WWOX: variants seen among roughly 807,000 people sequenced by gnomAD.
WWOX encodes WW domain-containing oxidoreductase.
Under a neutral mutation model 46.2 loss-of-function variants are expected in WWOX, and 69 were observed. The observed-to-expected ratio is 1.49, with a 90% CI of 1.23 to 1.82. The LOEUF (loss-of-function observed/expected upper bound fraction) is 1.82. Among genes scored for constraint, WWOX ranks in the 40% most tolerant of loss-of-function variants. The probability of loss-of-function intolerance (pLI) is 0.00; values close to 1 mark genes in which losing one functional copy is unlikely to be tolerated. For missense variants in WWOX, 919 were observed against 542.6 expected, an observed-to-expected ratio of 1.69 and a Z score of -6.89; for synonymous variants, 359 against 202.6, an observed-to-expected ratio of 1.77 and a Z score of -6.56.
At chr16:79,064,454 C>T (rs775455993) in intron 8 of WWOX, among the ~76,000 whole-genome samples, 39 of 152,174 alleles carry the variant, frequency 2.6e-4, no homozygotes, top group South Asian at 4.1e-4. Context: ...TCAGCACCTG[C>T]AGAACCCATG....
intron 5 of WWOX, among the ~76,000 whole-genome samples, chr16:78,306,455 T>C (rs1425308833): frequency 6.6e-6 from 1 of 152,194 alleles, no homozygotes; most frequent in Non-Finnish European, 1.5e-5. Context: ...CAGAGTTGTA[T>C]GAGAGTTCAT....
chr16:78,995,746 A>T (rs1196393305), intron 8 of WWOX, among the ~76,000 whole-genome samples: 2 of 152,142 alleles, frequency 1.3e-5, no homozygotes, highest in Non-Finnish European at 2.9e-5. Context: ...AATCACTATA[A>T]AAATGTTTAT....
rs892491255 is a variant in WWOX, at chr16:78,339,037, G to T, written c.517-47823G>T. 5.0e-5 allele frequency among the ~76,000 whole-genome samples: 6 copies of T among 119,844 alleles called. 1 individual carries two copies. The highest frequency in any genetic ancestry group is 1.7e-4 in the African/African-American group (6 of 35,466). 78.6% of individuals were successfully genotyped at this position (119,844 alleles called of 152,430 possible). A position where few individuals can be genotyped will look rare whatever the true frequency, so the allele number is the denominator to read the frequency against. ...TTCTAGTCTTAGATATTATCTGTAG[G>T]TTTTTCAATAAGAAGGAAATTTAGC... On this transcript the variant is annotated intron_variant, in intron 5 of 8. Transcript: ENST00000566780.
chr16:78,375,105 A>G (rs1327922022), intron 5 of WWOX, among the ~76,000 whole-genome samples: 2 of 152,208 alleles, frequency 1.3e-5, no homozygotes, highest in Non-Finnish European at 2.9e-5. Flanking sequence ...TTTCCAGTTT[A>G]TCTATTAAAC....
At position 78,549,711 on chromosome 16, in the gene WWOX, T is replaced by A. The variant is rs112538230; in HGVS notation, c.1056+116959T>A. On this transcript the variant is annotated intron_variant, in intron 8 of 8. Coordinates refer to ENST00000566780, the MANE Select transcript of WWOX (RefSeq NM_016373.4). ...ACATTAGCAAAATCACTACATATTA[T>A]AGGAATCAAGTACATTCTGAACGGC... is the stretch of plus-strand genomic sequence containing the variant. 3.2e-4 allele frequency among the ~76,000 whole-genome samples: 48 copies of A among 152,262 alleles called. 1 individual carries two copies. Among genetic ancestry groups the A allele is most frequent in the African/African-American group, 9.6e-4 (40 of 41,550 alleles).
At chr16:78,853,539 C>G (rs1388393803) in intron 8 of WWOX, among the ~76,000 whole-genome samples, 4 of 152,230 alleles carry the variant, frequency 2.6e-5, no homozygotes, top group African/African-American at 9.6e-5. Flanking sequence ...AACCCCCTCA[C>G]TGCTCTCCAT....
Position 78,292,188 on chromosome 16 carries a change from A to C in WWOX, c.517-94672A>C, listed in dbSNP as rs79661232. Among the ~76,000 whole-genome samples, 43 of 151,108 alleles carry C rather than the reference A, an allele frequency of 2.8e-4. No individual in the cohort carries two copies. In the East Asian group the frequency reaches 8.0e-3, roughly 28 times the overall value. ...GAAAAAGTTTGCCACCCTCTGATCT[A>C]CATGATGTCCTTCAGTTTCTGTCTC... On this transcript the variant is annotated intron_variant, in intron 5 of 8. Coordinates refer to ENST00000566780, the MANE Select transcript of WWOX (RefSeq NM_016373.4).
chr16:78,732,587 A>G (rs964621954), intron 8 of WWOX, among the ~76,000 whole-genome samples: 3 of 152,152 alleles, frequency 2.0e-5, no homozygotes, highest in East Asian at 3.9e-4. Flanking sequence ...TTTGATAAAG[A>G]TGTGGTAACT....
chr16:78,219,915 C>T (rs557083010), intron 5 of WWOX, among the ~76,000 whole-genome samples: 5 of 152,044 alleles, frequency 3.3e-5, no homozygotes, highest in Non-Finnish European at 7.4e-5. Flanking sequence ...AAACATTGTA[C>T]GTTTTAAATG....
At chr16:78,296,216 G>T (rs2079941470) in intron 5 of WWOX, among the ~76,000 whole-genome samples, 1 of 151,856 alleles carries the variant, frequency 6.6e-6, no homozygotes, top group Admixed American at 6.6e-5. Flanking sequence ...CACTCTATCT[G>T]TATTGTTTGG....
At chr16:78,512,226 T>A (rs1214391047) in intron 8 of WWOX, among the ~76,000 whole-genome samples, 1 of 152,138 alleles carries the variant, frequency 6.6e-6, no homozygotes. Flanking sequence ...GAGAAGAAAC[T>A]CCCGATATTT....
At chr16:78,550,126 C>G (rs1182943183) in intron 8 of WWOX, among the ~76,000 whole-genome samples, 1 of 152,130 alleles carries the variant, frequency 6.6e-6, no homozygotes. Flanking sequence ...TTCTTTGGTT[C>G]TTTAACATTC....
At chr16:78,886,177 G>A (rs943081307) in intron 8 of WWOX, among the ~76,000 whole-genome samples, 7 of 151,078 alleles carry the variant, frequency 4.6e-5, no homozygotes, top group South Asian at 2.1e-4. Context: ...CACCCTCCTC[G>A]GCCTCCCAAA....
chr16:78,935,361 T>C (rs1249875573), intron 8 of WWOX, among the ~76,000 whole-genome samples: 3 of 152,220 alleles, frequency 2.0e-5, no homozygotes, highest in Middle Eastern at 6.8e-3. Flanking sequence ...ACTCAGATGT[T>C]CATCAATGAT....
intron 5 of WWOX, among the ~76,000 whole-genome samples, chr16:78,318,140 C>G (rs546313607): frequency 1.3e-5 from 2 of 152,072 alleles, no homozygotes; most frequent in Non-Finnish European, 2.9e-5. Flanking sequence ...GGCACTGCGT[C>G]CCTCAAATTC....
intron 8 of WWOX, among the ~76,000 whole-genome samples, chr16:78,485,494 C>G (rs142521920): frequency 6.6e-6 from 1 of 152,312 alleles, no homozygotes; most frequent in East Asian, 1.9e-4. Flanking sequence ...TTTTGCCTCA[C>G]TGCGTGATTT....
Position 78,977,732 on chromosome 16 carries a change from G to T in WWOX, c.1057-233876G>T, listed in dbSNP as rs564279962. Among the ~76,000 whole-genome samples the T allele has an allele frequency of 1.6e-4, 25 of 152,202 alleles. No individual in the cohort carries two copies. The South Asian group carries it at 2.1e-3, about 13-fold the overall frequency. ...GGGGCAGGGGGTGCAGGGGGTGCCT[G>T]CAAGTCTGTGACCGTCCTGAAGGAC... On this transcript the variant is annotated intron_variant, in intron 8 of 8. Transcript: ENST00000566780.
At chr16:79,033,143 AAT>A (rs1053072102) in intron 8 of WWOX, among the ~76,000 whole-genome samples, 2 of 147,330 alleles carry the variant, frequency 1.4e-5, no homozygotes, top group Non-Finnish European at 1.5e-5. Context: ...GTGTAGATGT[AAT>A]ATATATATAA....
intron 8 of WWOX, among the ~76,000 whole-genome samples, chr16:79,098,091 G>C (rs1173741136): frequency 2.6e-5 from 4 of 152,142 alleles, no homozygotes; most frequent in African/African-American, 4.8e-5. Flanking sequence ...AAGTTTTTGA[G>C]CTGGAAGAAA....
Sources: gnomAD v4.1 joint callset for allele counts (sites outside exome capture counted in the v4.1 genomes callset) on GRCh38, gnomAD v4.1.1 for gene constraint, MANE v1.5 for transcripts, NCBI Gene and HGNC (gene_info 2026-07-23, HGNC 2026-07-21) for gene names.